The following SETD1A variants were observed in gnomAD, a reference collection of about 807,000 sequenced individuals.
The protein encoded by SETD1A is histone-lysine N-methyltransferase SETD1A.
A neutral mutation model predicts 149.9 loss-of-function variants in SETD1A; 29 were observed. The ratio of observed to expected loss-of-function variants is 0.19; its 90% CI spans 0.14 to 0.26. The LOEUF is 0.26. SETD1A is among the 10% of genes least tolerant of loss of function. The probability of loss-of-function intolerance (pLI) is 1.00; values close to 1 mark genes in which losing one functional copy is unlikely to be tolerated. For synonymous variants in SETD1A, 1,141 were observed against 968.5 expected (o/e 1.18, Z -3.31); for missense variants, 2,109 against 2,353.1 (o/e 0.90, Z 2.15).
At position 30,961,167 on chromosome 16, in the gene SETD1A, A is replaced by T; in HGVS notation, c.247-100A>T. Reference sequence around the variant, plus strand: ...CTTCCCTTGCCCCTCACTTTCCCGGATCTCTCTCTTGACTTCATGGAGCTT... The same window carrying T: ...CTTCCCTTGCCCCTCACTTTCCCGGTTCTCTCTCTTGACTTCATGGAGCTT... On this transcript the variant is annotated intron_variant, in intron 3 of 18. Coordinates refer to ENST00000262519, the MANE Select transcript of SETD1A (RefSeq NM_014712.3). The surrounding 1 kb of genome is among the most constrained non-coding windows in gnomAD (Gnocchi z 4.0). The T allele has an allele frequency of 7.9e-7, 1 of 1,258,558 alleles. No homozygotes were observed. Among genetic ancestry groups the T allele is most frequent in the Non-Finnish European group, 1.1e-6 (1 of 880,276 alleles). The allele number at this position is 1,258,558 out of a possible 1,614,324, so 78.0% of individuals were successfully genotyped here.
chr16:30,974,838 C>T (rs778523715), intron 13 of SETD1A, among the ~76,000 whole-genome samples: 9 of 152,000 alleles, frequency 5.9e-5, no homozygotes, highest in Non-Finnish European at 1.2e-4. Flanking sequence ...GAAACCCCAT[C>T]TTAACTAAAA....
intron 12 of SETD1A, 93 bp from the exon 13 acceptor site, chr16:30,971,285 G>C (rs1459542252): frequency 7.5e-7 from 1 of 1,330,038 alleles, no homozygotes; most frequent in African/African-American, 1.5e-5. Flanking sequence ...CTAGCCCAGA[G>C]CCCAGCATCC....
chr16:30,971,480 G>GCTCCTC lies in SETD1A; in HGVS notation c.3120_3125dup (p.Ser1057_Ser1058dup). 1 of 1,613,868 alleles carries GCTCCTC rather than the reference G, an allele frequency of 6.2e-7. No individual in the cohort carries two copies. The highest frequency in any genetic ancestry group is 8.5e-7 in the Non-Finnish European group (1 of 1,179,886). On this transcript the variant is annotated inframe_insertion, in exon 13 of 19. Coordinates refer to ENST00000262519, the MANE Select transcript of SETD1A (RefSeq NM_014712.3). ...GACTCCGAGAGCAGCAGCTCTTCCA[G>GCTCCTC]CTCCTCATCCTCCTCCTCCTCCTCG...
chr16:30,958,911 G>A (rs765676744), intron 2 of SETD1A, 30 bp downstream of exon 2: 1 of 1,612,458 alleles, frequency 6.2e-7, no homozygotes, highest in Non-Finnish European at 8.5e-7. Flanking sequence ...GTTGCCATCC[G>A]GGGAGCTCCA....
chr16:30,964,063 C>G, intron 5 of SETD1A, 31 bp from the exon 6 acceptor site: 2 of 1,569,884 alleles, frequency 1.3e-6, no homozygotes, highest in East Asian at 2.2e-5. Context: ...TGAGCCCATT[C>G]CTCTCTCCTT....
At chr16:30,958,959 C>A in intron 2 of SETD1A, 78 bp downstream of exon 2, 1 of 1,560,278 alleles carries the variant, frequency 6.4e-7, no homozygotes, top group Non-Finnish European at 8.8e-7. Context: ...GCACCTAGAA[C>A]GGTAGCCTGC....
At position 30,965,027 on chromosome 16, in the gene SETD1A, G is replaced by C. The variant is rs1372012082; in HGVS notation, c.1285G>C (p.Ala429Pro). The change falls in exon 7 of 19, where the codon GCC becomes CCC. Residue 429 changes from alanine (A) to proline (P), a missense_variant. Ala to Pro is a conservative substitution (Grantham distance 27). Coordinates refer to ENST00000262519, the MANE Select transcript of SETD1A (RefSeq NM_014712.3). ...CACCGACCAGGACTACCGGCCTCCT[G>C]CCTCAGAGGCTCCACCCCCGGAGCC... ...RPTDQDYRPP[A>P]SEAPPPEPPE... 3 of 1,612,966 alleles carry C rather than the reference G, an allele frequency of 1.9e-6. No homozygotes were observed. The African/African-American group carries it at 4.0e-5, about 22-fold the overall frequency.
In SETD1A at chr16:30,958,794, G is replaced by A. The variant is rs756668869; in HGVS notation, c.63G>A (p.Lys21=). The A allele has an allele frequency of 3.7e-6, 6 of 1,614,068 alleles. No homozygotes were observed. The highest frequency in any genetic ancestry group is 4.2e-6 in the Non-Finnish European group (5 of 1,180,006). Reference sequence around the variant, plus strand: ...CGAGCTTCCAGTGGCGGAACTACAAGCTCATCGTGGATCCTGCCTTGGACC... The same window carrying A: ...CGAGCTTCCAGTGGCGGAACTACAAACTCATCGTGGATCCTGCCTTGGACC... ...KAPSFQWRNY[K]LIVDPALDPA... Residue 21 remains lysine, a synonymous_variant, in exon 2 of 19, where the codon AAG becomes AAA. Coordinates refer to ENST00000262519, the MANE Select transcript of SETD1A (RefSeq NM_014712.3).
At position 30,980,683 on chromosome 16, in the gene SETD1A, C is replaced by G. The variant is rs368624262; in HGVS notation, c.4581+26C>G. The G allele has an allele frequency of 2.2e-5, 35 of 1,610,476 alleles. 1 individual carries two copies. In the Middle Eastern group the frequency reaches 1.7e-3, roughly 76 times the overall value. ...GTGGGCCTAACCCCGCCGCCGCGTC[C>G]TCCTGCCACTCACTTCCCTGCCCTG... is the stretch of plus-strand genomic sequence containing the variant. On this transcript the variant is annotated intron_variant, in intron 15 of 18. Coordinates refer to ENST00000262519, the MANE Select transcript of SETD1A (RefSeq NM_014712.3). The surrounding 1 kb of genome is among the most constrained non-coding windows in gnomAD (Gnocchi z 7.7).
intron 3 of SETD1A, among the ~76,000 whole-genome samples, chr16:30,960,730 CTTTT>C (rs71374043): frequency 6.2e-5 from 5 of 80,550 alleles, no homozygotes; most frequent in Admixed American, 1.7e-4. Flanking sequence ...TTCTTTCTTT[CTTTT>C]TTTTTTTTTT....
chr16:30,978,057 C>G (rs996761486), intron 13 of SETD1A, among the ~76,000 whole-genome samples: 2 of 151,554 alleles, frequency 1.3e-5, no homozygotes, highest in Non-Finnish European at 3.0e-5. Context: ...GGGCAGATCA[C>G]GAGGTCAAGA....
chr16:30,962,749 C>G (rs2056071679), intron 4 of SETD1A, among the ~76,000 whole-genome samples: 1 of 152,188 alleles, frequency 6.6e-6, no homozygotes, highest in Admixed American at 6.5e-5. Flanking sequence ...GAGCTCGAGA[C>G]CAGCCTGGTC....
At chr16:30,963,595 C>T (rs774397462) in intron 5 of SETD1A, 41 bp downstream of exon 5, 3 of 1,589,576 alleles carry the variant, frequency 1.9e-6, no homozygotes, top group Non-Finnish European at 2.6e-6. Context: ...GCCATGTGGG[C>T]ATGGTGTCCG....
At position 30,969,480 on chromosome 16, in the gene SETD1A, G is replaced by C. The variant is rs75304120; in HGVS notation, c.2928+18G>C. Reference sequence around the variant, plus strand: ...CGGAGAAGGTGAGGGCCCGGGCGCCGGCTCCTGGCCGAAGCCTACTTCCCA... The same window carrying C: ...CGGAGAAGGTGAGGGCCCGGGCGCCCGCTCCTGGCCGAAGCCTACTTCCCA... On this transcript the variant is annotated intron_variant, in intron 11 of 18. Transcript: ENST00000262519. 5.0e-6 allele frequency: 8 copies of C among 1,601,846 alleles called. No homozygotes were observed. The South Asian group carries it at 8.9e-5, about 18-fold the overall frequency.
In SETD1A at chr16:30,981,089, G is replaced by A. The variant is rs1323307430; in HGVS notation, c.4721G>A (p.Arg1574Gln). The change falls in exon 17 of 19, where the codon CGG (arginine) becomes CAG (glutamine). Residue 1574 changes from arginine to glutamine, a missense_variant. Coordinates refer to ENST00000262519, the MANE Select transcript of SETD1A (RefSeq NM_014712.3). ...KFRKKKLRFGRSRIHEWGLFA... is the reference protein window; with the variant it reads ...KFRKKKLRFGQSRIHEWGLFA... ...CGGAAGAAGAAGCTCCGATTTGGCCGGAGCCGGATCCACGAGTGGGGTCTG... is the reference window on the plus strand; with the variant it reads ...CGGAAGAAGAAGCTCCGATTTGGCCAGAGCCGGATCCACGAGTGGGGTCTG... 5.6e-6 allele frequency: 9 copies of A among 1,614,116 alleles called. No individual in the cohort carries two copies. Among genetic ancestry groups the A allele is most frequent in the East Asian group, 2.2e-5 (1 of 44,900 alleles).
In SETD1A at chr16:30,961,627, T is replaced by A. The variant is rs575148234; in HGVS notation, c.517+90T>A. 1.2e-5 allele frequency: 15 copies of A among 1,267,458 alleles called. No homozygotes were observed. The African/African-American group carries it at 2.0e-4, about 17-fold the overall frequency. The allele number at this position is 1,267,458 out of a possible 1,614,324, so 78.5% of individuals were successfully genotyped here. On this transcript the variant is annotated intron_variant, in intron 4 of 18. Coordinates refer to ENST00000262519, the MANE Select transcript of SETD1A (RefSeq NM_014712.3). This position sits in a 1 kb window ranked among gnomAD's most constrained non-coding sequence, Gnocchi z 4.0. ...GTCAGGGTCAGGCAGGCGCCCAGGG[T>A]CATGATCTGAAACTGCTGGGGCCAG...
chr16:30,966,632 C>T (rs574028672), intron 8 of SETD1A, among the ~76,000 whole-genome samples: 6 of 152,282 alleles, frequency 3.9e-5, no homozygotes, highest in Admixed American at 2.6e-4. Flanking sequence ...GTGGACAAGG[C>T]CCTTAGCTCT....
chr16:30,981,058 CA>C lies in SETD1A; in HGVS notation c.4693-2del. 6.2e-7 allele frequency: 1 copy of C among 1,614,096 alleles called. No individual in the cohort carries two copies. The highest frequency in any genetic ancestry group is 8.5e-7 in the Non-Finnish European group (1 of 1,179,958). On this transcript the variant is annotated splice_acceptor_variant, in intron 16 of 18. Coordinates refer to ENST00000262519, the MANE Select transcript of SETD1A (RefSeq NM_014712.3). LOFTEE classifies it high-confidence loss of function. Reference sequence around the variant, plus strand: ...GCAGTTGAGTCTCCCTTCTGCCCCCCAGTTCCGGAAGAAGAAGCTCCGATTT... The same window carrying C: ...GCAGTTGAGTCTCCCTTCTGCCCCCCGTTCCGGAAGAAGAAGCTCCGATTT...
At chr16:30,974,983 C>T (rs1217538595) in intron 13 of SETD1A, among the ~76,000 whole-genome samples, 1 of 152,010 alleles carries the variant, frequency 6.6e-6, no homozygotes. Flanking sequence ...CCCATCTCTA[C>T]TAAAAATACA....
Sources: allele counts gnomAD v4.1 joint callset (sites outside exome capture counted in the v4.1 genomes callset), GRCh38; gene constraint gnomAD v4.1.1; non-coding constraint Gnocchi (gnomAD v3.1); transcripts MANE v1.5; gene names NCBI Gene and HGNC (gene_info 2026-07-23, HGNC 2026-07-21).